RABGAP1: variants seen among roughly 807,000 people sequenced by gnomAD.
RABGAP1 encodes the protein RAB GTPase activating protein 1, also known as rab GTPase-activating protein 1.
RABGAP1 carries 23 observed loss-of-function variants against 137.6 expected under a neutral mutation model. The observed-to-expected ratio is 0.17, with a 90% confidence interval of 0.12 to 0.24. RABGAP1 has a LOEUF of 0.24. Ranked by LOEUF, RABGAP1 falls within the 10% of genes least tolerant of loss-of-function variation. The pLI is 1.00. For synonymous variants in RABGAP1, 451 were observed against 450.7 expected (o/e 1.00, Z -0.01); for missense variants, 906 against 1,275.8 (o/e 0.71, Z 4.42).
chr9:122,934,397 T>G, the RABGAP1 span, among the ~76,000 whole-genome samples: 41 of 152,332 alleles, frequency 2.7e-4, no homozygotes, highest in African/African-American at 7.2e-4. Flanking sequence ...TTATTTTCAA[T>G]CTATTTGTGT....
chr9:123,070,524 C>CTTA lies in RABGAP1; in HGVS notation c.1983+101_1983+103dup. ...GTTTTATATTGGGTTTGGACAGACTCTTAAGGCATGAATTTTAACACCTAT... is the reference window on the plus strand; with the variant it reads ...GTTTTATATTGGGTTTGGACAGACTCTTATTAAGGCATGAATTTTAACACCTAT... On this transcript the variant is annotated intron_variant, in intron 15 of 25. Transcript: ENST00000373647. The surrounding 1 kb of genome is among the most constrained non-coding windows in gnomAD (Gnocchi z 4.4). 6.5e-7 allele frequency: 1 copy of CTTA among 1,533,170 alleles called. No individual in the cohort carries two copies. Among genetic ancestry groups the CTTA allele is most frequent in the Non-Finnish European group, 8.7e-7 (1 of 1,143,272 alleles). 95.0% of individuals were successfully genotyped at this position (1,533,170 alleles called of 1,614,324 possible).
At chr9:122,970,397 G>A (rs1401089077) in intron 2 of RABGAP1, among the ~76,000 whole-genome samples, 1 of 152,130 alleles carries the variant, frequency 6.6e-6, no homozygotes, top group Non-Finnish European at 1.5e-5. Flanking sequence ...GCATGCCTGT[G>A]AATAGCCACT....
intron 1 of RABGAP1, among the ~76,000 whole-genome samples, chr9:122,954,586 G>A (rs557484810): frequency 1.3e-5 from 2 of 152,222 alleles, no homozygotes; most frequent in Admixed American, 6.5e-5. Context: ...TGAGACCAGA[G>A]CTTTAGACCA....
intron 13 of RABGAP1, among the ~76,000 whole-genome samples, chr9:123,045,477 C>T (rs2033163801): frequency 6.6e-6 from 1 of 152,094 alleles, no homozygotes; most frequent in African/African-American, 2.4e-5. Context: ...CATTATATAT[C>T]ATTAACATCA....
intron 1 of RABGAP1, among the ~76,000 whole-genome samples, chr9:122,949,974 A>G (rs1239222245): frequency 6.6e-6 from 1 of 152,230 alleles, no homozygotes; most frequent in East Asian, 1.9e-4. Flanking sequence ...ATTTGTGTAT[A>G]TAGTATGGTG....
chr9:123,071,270 TC>T (rs1366818366), intron 15 of RABGAP1: 3 of 152,230 alleles, frequency 2.0e-5, no homozygotes, highest in African/African-American at 7.2e-5. Flanking sequence ...TATTGAATTG[TC>T]ATTTCTCTTT....
intron 13 of RABGAP1, chr9:123,035,127 C>A: frequency 6.2e-7 from 1 of 1,613,672 alleles, no homozygotes; most frequent in Non-Finnish European, 8.5e-7. Context: ...CCTGGCACAC[C>A]GACTCCTACT....
At chr9:122,985,438 C>A (rs1164745446) in intron 3 of RABGAP1, among the ~76,000 whole-genome samples, 2 of 151,962 alleles carry the variant, frequency 1.3e-5, no homozygotes, top group African/African-American at 4.8e-5. Flanking sequence ...ATGGTGAAAC[C>A]CTGTCTCTAT....
chr9:122,997,654 A>G (rs1444889137), intron 9 of RABGAP1, among the ~76,000 whole-genome samples: 2 of 152,008 alleles, frequency 1.3e-5, no homozygotes, highest in African/African-American at 4.8e-5. Flanking sequence ...GAGGTAATCC[A>G]TGCACATAAA....
chr9:123,082,057 G>C (rs948426081), intron 19 of RABGAP1, among the ~76,000 whole-genome samples: 2 of 151,478 alleles, frequency 1.3e-5, no homozygotes, highest in African/African-American at 2.4e-5. Flanking sequence ...TCTTCTTCTC[G>C]GTGCCCTTGG....
At chr9:123,079,887 A>C (rs951605253) in intron 19 of RABGAP1, among the ~76,000 whole-genome samples, 2 of 152,266 alleles carry the variant, frequency 1.3e-5, no homozygotes, top group African/African-American at 2.4e-5. Context: ...ACTGGAATGG[A>C]GGCTGTGCAG....
At chr9:123,036,788 A>T (rs757531105) in intron 13 of RABGAP1, among the ~76,000 whole-genome samples, 33 of 152,156 alleles carry the variant, frequency 2.2e-4, no homozygotes, top group Non-Finnish European at 3.7e-4. Flanking sequence ...CTGGAAAAAA[A>T]ATCCTTTGGC....
At chr9:122,997,383 A>G (rs769856663) in intron 9 of RABGAP1, 22 bp downstream of exon 9, 13 of 1,531,444 alleles carry the variant, frequency 8.5e-6, no homozygotes, top group Non-Finnish European at 1.1e-5. Context: ...TGTTGACATC[A>G]TGAACAGAAA....
At chr9:123,094,840 G>T (rs138742978) in intron 21 of RABGAP1, among the ~76,000 whole-genome samples, 3 of 151,910 alleles carry the variant, frequency 2.0e-5, no homozygotes, top group Non-Finnish European at 4.4e-5. Flanking sequence ...CTAATTTTTC[G>T]TGTGTCTGTT....
chr9:122,959,315 C>G (rs370262992), intron 2 of RABGAP1, among the ~76,000 whole-genome samples: 10 of 123,604 alleles, frequency 8.1e-5, no homozygotes, highest in South Asian at 5.0e-4. Context: ...TGGGCATGGG[C>G]TGGATTGTGT....
intron 13 of RABGAP1, among the ~76,000 whole-genome samples, chr9:123,041,859 T>A (rs1277794205): frequency 6.6e-6 from 1 of 152,194 alleles, no homozygotes; most frequent in African/African-American, 2.4e-5. Flanking sequence ...TGATAGAAGC[T>A]GAAAAACAGA....
chr9:122,991,514 A>G (rs1290744003), intron 6 of RABGAP1, among the ~76,000 whole-genome samples: 1 of 151,968 alleles, frequency 6.6e-6, no homozygotes, highest in Non-Finnish European at 1.5e-5. Flanking sequence ...TGGCCAATTT[A>G]GTGTACAGTG....
chr9:122,974,367 T>C (rs1835646680), intron 2 of RABGAP1, among the ~76,000 whole-genome samples: 1 of 150,744 alleles, frequency 6.6e-6, no homozygotes, highest in Non-Finnish European at 1.5e-5. Context: ...GGTAGAAGAA[T>C]TGATTGTATT....
At chr9:123,035,172 A>G (rs1303793773) in intron 13 of RABGAP1, 19 of 1,614,068 alleles carry the variant, frequency 1.2e-5, no homozygotes, top group Non-Finnish European at 1.6e-5. Context: ...TATATGCCCC[A>G]GCAGCCCTTA....
Sources: allele counts gnomAD v4.1 joint callset (sites outside exome capture counted in the v4.1 genomes callset), GRCh38; gene constraint gnomAD v4.1.1; non-coding constraint Gnocchi (gnomAD v3.1); transcripts MANE v1.5; gene names NCBI Gene and HGNC (gene_info 2026-07-23, HGNC 2026-07-21).